Variants in MAPK9 observed in about 807,000 individuals in gnomAD.
MAPK9 encodes the protein mitogen-activated protein kinase 9.
A neutral mutation model predicts 57.1 loss-of-function variants in MAPK9; 30 were observed. That is an observed-to-expected ratio of 0.53 (90% CI 0.39 to 0.71). The LOEUF is 0.71. Ranked by LOEUF, MAPK9 falls within the 30% of genes least tolerant of loss-of-function variation. MAPK9 has a pLI of 0.00. For missense variants in MAPK9, 362 were observed against 521.0 expected, an observed-to-expected ratio of 0.69 and a Z score of 2.97; for synonymous variants, 155 against 177.0, an observed-to-expected ratio of 0.88 and a Z score of 0.99.
At position 180,236,358 on chromosome 5, in the gene MAPK9, C is replaced by T. The variant is rs1757171207; in HGVS notation, c.*26G>A. The T allele has an allele frequency of 6.3e-7, 1 of 1,584,086 alleles. No individual in the cohort carries two copies. Among genetic ancestry groups the T allele is most frequent in the Admixed American group, 1.7e-5 (1 of 58,424 alleles). On this transcript the variant is annotated 3_prime_UTR_variant, in exon 12 of 12. Transcript: ENST00000452135. ...CACGGAGGTGAGAGTTCCTTCAATG[C>T]TGACAGGTTTGCTATTTCTAACCTA...
At chr5:180,266,964 G>A (rs1347861323) in intron 3 of MAPK9, among the ~76,000 whole-genome samples, 1 of 152,122 alleles carries the variant, frequency 6.6e-6, no homozygotes, top group Non-Finnish European at 1.5e-5. Context: ...ACAGGCGGCT[G>A]GCAGTCTCTT....
intron 2 of MAPK9, among the ~76,000 whole-genome samples, chr5:180,272,013 C>T (rs1052725576): frequency 1.3e-5 from 2 of 152,152 alleles, no homozygotes; most frequent in Non-Finnish European, 2.9e-5. Context: ...GTGGCACCTA[C>T]TCCACATGAT....
At chr5:180,266,606 C>T (rs1229237553) in intron 3 of MAPK9, among the ~76,000 whole-genome samples, 1 of 151,866 alleles carries the variant, frequency 6.6e-6, no homozygotes, top group African/African-American at 2.4e-5. Context: ...GTGTGAGCCA[C>T]AGCGCCCGGC....
At chr5:180,239,677 G>A (rs1757489618) in intron 10 of MAPK9, among the ~76,000 whole-genome samples, 2 of 152,066 alleles carry the variant, frequency 1.3e-5, no homozygotes, top group Admixed American at 6.6e-5. Flanking sequence ...AAATCAATAT[G>A]TGAAAAGCCA....
At chr5:180,256,719 T>C (rs1759330740) in intron 5 of MAPK9, among the ~76,000 whole-genome samples, 1 of 152,180 alleles carries the variant, frequency 6.6e-6, no homozygotes, top group Admixed American at 6.5e-5. Flanking sequence ...TGACTCAGGC[T>C]GCAGGCACCG....
At chr5:180,264,455 A>C (rs547150709) in intron 4 of MAPK9, among the ~76,000 whole-genome samples, 15 of 152,210 alleles carry the variant, frequency 9.9e-5, no homozygotes, top group Non-Finnish European at 1.9e-4. Context: ...TAATACTCAT[A>C]AACTCCTGAA....
chr5:180,289,447 A>G (rs961225191), intron 1 of MAPK9, among the ~76,000 whole-genome samples: 1 of 152,192 alleles, frequency 6.6e-6, no homozygotes, highest in Non-Finnish European at 1.5e-5. Flanking sequence ...AAAACATTAA[A>G]TAGATTGGTG....
In MAPK9 at chr5:180,238,367, C is replaced by T. The variant is rs55736180; in HGVS notation, c.1097G>A (p.Arg366Lys). ...IYKEVMDWEE[R>K]SKNGVVKDQP... The stretch of plus-strand genomic sequence containing the variant: ...ATCTTTTACAACACCATTCTTGCTT[C>T]TTTCTTCCCAATCCATGACTTCTTT... The change falls in exon 11 of 12, where the codon AGA becomes AAA. Residue 366 changes from arginine to lysine, a missense_variant. By Grantham distance (26) the Arg-to-Lys change is conservative (BLOSUM62 2). Coordinates refer to ENST00000452135, the MANE Select transcript of MAPK9 (RefSeq NM_002752.5). The T allele has an allele frequency of 6.2e-7, 1 of 1,612,432 alleles. No homozygotes were observed. The highest frequency in any genetic ancestry group is 8.5e-7 in the Non-Finnish European group (1 of 1,178,754).
At chr5:180,267,478 C>A (rs183074373) in intron 3 of MAPK9, among the ~76,000 whole-genome samples, 1 of 144,338 alleles carries the variant, frequency 6.9e-6, no homozygotes, top group Non-Finnish European at 1.5e-5. Context: ...AGGAGAATGG[C>A]GTGAACCTGG....
chr5:180,239,214 C>T (rs947945281), intron 10 of MAPK9, among the ~76,000 whole-genome samples: 5 of 152,230 alleles, frequency 3.3e-5, no homozygotes, highest in Non-Finnish European at 5.9e-5. Context: ...TAATTACCTA[C>T]GAAGTAAGTG....
intron 5 of MAPK9, among the ~76,000 whole-genome samples, chr5:180,261,320 T>C (rs1227963834): frequency 1.3e-5 from 2 of 152,254 alleles, no homozygotes; most frequent in African/African-American, 4.8e-5. Flanking sequence ...ATTTCACATA[T>C]GGCAAATATA....
At chr5:180,258,725 C>T (rs1293209257) in intron 5 of MAPK9, among the ~76,000 whole-genome samples, 1 of 151,928 alleles carries the variant, frequency 6.6e-6, no homozygotes, top group African/African-American at 2.4e-5. Context: ...GGAGAGAAAC[C>T]TTATGAATAT....
intron 5 of MAPK9, among the ~76,000 whole-genome samples, chr5:180,251,025 A>C (rs746223014): frequency 7.2e-5 from 11 of 152,228 alleles, no homozygotes; most frequent in Non-Finnish European, 1.6e-4. Context: ...AACATAAATT[A>C]CTAACAGATA....
chr5:180,261,078 C>A (rs1759903791), intron 5 of MAPK9, among the ~76,000 whole-genome samples: 1 of 152,162 alleles, frequency 6.6e-6, no homozygotes, highest in Non-Finnish European at 1.5e-5. Context: ...TTTTTCCTGA[C>A]AGTACAGTCA....
intron 1 of MAPK9, among the ~76,000 whole-genome samples, chr5:180,288,154 C>T (rs1581336357): frequency 2.0e-5 from 3 of 152,184 alleles, no homozygotes; most frequent in Non-Finnish European, 4.4e-5. Context: ...CTAAATCTGA[C>T]GAAGCCTCGT....
chr5:180,279,498 G>A (rs964805849), intron 2 of MAPK9, among the ~76,000 whole-genome samples: 5 of 152,116 alleles, frequency 3.3e-5, no homozygotes, highest in African/African-American at 1.2e-4. Context: ...CAAAGGATCA[G>A]TTAAAAATCA....
chr5:180,279,562 A>G (rs540950364), intron 2 of MAPK9, among the ~76,000 whole-genome samples: 18 of 152,258 alleles, frequency 1.2e-4, no homozygotes, highest in Admixed American at 9.8e-4. Flanking sequence ...AAACTACCCT[A>G]CTAGAGCATC....
intron 7 of MAPK9, 45 bp from the exon 8 acceptor site, chr5:180,242,800 C>A: frequency 6.8e-7 from 1 of 1,464,002 alleles, no homozygotes; most frequent in Non-Finnish European, 9.5e-7. Context: ...ACCTTGTATT[C>A]ACAGTACATG....
At chr5:180,252,123 T>A (rs539859750) in intron 5 of MAPK9, among the ~76,000 whole-genome samples, 2 of 152,154 alleles carry the variant, frequency 1.3e-5, no homozygotes, top group South Asian at 4.2e-4. Context: ...ATAAGTGAAG[T>A]CTGGGCCAGG....
Sources: gnomAD v4.1 joint callset for allele counts (sites outside exome capture counted in the v4.1 genomes callset) on GRCh38, gnomAD v4.1.1 for gene constraint, MANE v1.5 for transcripts, NCBI Gene and HGNC (gene_info 2026-07-23, HGNC 2026-07-21) for gene names.